The following KSR2 variants were observed in gnomAD, a reference collection of about 807,000 sequenced individuals.
KSR2 encodes the protein kinase suppressor of ras 2.
A neutral mutation model predicts 107.8 loss-of-function variants in KSR2; 25 were observed. The observed-to-expected ratio is 0.23, with a 90% CI of 0.17 to 0.32. The LOEUF is 0.32. Ranked by LOEUF, KSR2 falls within the 10% of genes least tolerant of loss-of-function variation. The pLI is 1.00. For synonymous variants in KSR2, 480 were observed against 507.0 expected (o/e 0.95, Z 0.71); for missense variants, 887 against 1,268.9 (o/e 0.70, Z 4.57).
At chr12:117,651,338 G>A (rs1367165753) in intron 5 of KSR2, among the ~76,000 whole-genome samples, 2 of 152,176 alleles carry the variant, frequency 1.3e-5, no homozygotes, top group Non-Finnish European at 2.9e-5. Flanking sequence ...CCACACTCAA[G>A]TCCCAGAGGG....
chr12:117,665,700 C>CAGA lies in KSR2; in HGVS notation c.1171+1771_1171+1773dup, dbSNP rs533524927. ...CACCTACTGTGTGCCAGGAACTGTG[C>CAGA]AGAAGGCTTGGCATGCATGAGCTCA... On this transcript the variant is annotated intron_variant, in intron 5 of 19. Transcript: ENST00000339824. Among the ~76,000 whole-genome samples, 447 of 152,338 alleles carry CAGA rather than the reference C, an allele frequency of 2.9e-3. 1 individual carries two copies. The highest frequency in any genetic ancestry group is 5.1e-3 in the Non-Finnish European group (348 of 68,028).
intron 4 of KSR2, among the ~76,000 whole-genome samples, chr12:117,730,643 G>C (rs1341904974): frequency 1.3e-5 from 2 of 152,156 alleles, no homozygotes; most frequent in African/African-American, 2.4e-5. Flanking sequence ...CGAGTGCCTG[G>C]GATTGCAGGC....
intron 19 of KSR2, among the ~76,000 whole-genome samples, chr12:117,469,181 GATA>G (rs1161218187): frequency 6.6e-6 from 1 of 152,198 alleles, no homozygotes; most frequent in African/African-American, 2.4e-5. Flanking sequence ...AATCAGCAGA[GATA>G]CTTCTGGTGA....
At chr12:117,960,220 A>G (rs57178744) in intron 1 of KSR2, among the ~76,000 whole-genome samples, 19,681 of 152,066 alleles carry the variant, frequency 0.13, 1,413 homozygotes, top group African/African-American at 0.18. Context: ...ATCATCCCAT[A>G]TCTTTCCCTT....
intron 3 of KSR2, among the ~76,000 whole-genome samples, chr12:117,794,189 C>A (rs1377535860): frequency 3.1e-5 from 4 of 127,036 alleles, no homozygotes; most frequent in Non-Finnish European, 6.5e-5. Flanking sequence ...CCAACATGCA[C>A]ACACACCATG....
chr12:117,672,033 A>G (rs1884928946), intron 4 of KSR2, among the ~76,000 whole-genome samples: 1 of 152,054 alleles, frequency 6.6e-6, no homozygotes, highest in South Asian at 2.1e-4. Context: ...TGGAACGCCA[A>G]CTCTGCTTAT....
intron 3 of KSR2, among the ~76,000 whole-genome samples, chr12:117,826,261 C>T (rs1021918004): frequency 2.0e-5 from 3 of 152,090 alleles, no homozygotes; most frequent in African/African-American, 4.8e-5. Context: ...TCAAAGCCTA[C>T]AAAGGCTTGC....
At chr12:117,942,095 C>T (rs907278355) in intron 1 of KSR2, among the ~76,000 whole-genome samples, 2 of 152,084 alleles carry the variant, frequency 1.3e-5, no homozygotes, top group African/African-American at 4.8e-5. Context: ...TGTATGTATA[C>T]ATAATAGTTG....
intron 5 of KSR2, among the ~76,000 whole-genome samples, chr12:117,642,990 T>C (rs1426338265): frequency 1.3e-5 from 2 of 152,212 alleles, no homozygotes; most frequent in Non-Finnish European, 2.9e-5. Context: ...TTAGACAGGA[T>C]TCTTTTAGAA....
At chr12:117,951,561 C>T (rs1319590559) in intron 1 of KSR2, among the ~76,000 whole-genome samples, 1 of 151,994 alleles carries the variant, frequency 6.6e-6, no homozygotes, top group Non-Finnish European at 1.5e-5. Flanking sequence ...GGGAGGTGGA[C>T]AGACAAAGGG....
intron 7 of KSR2, among the ~76,000 whole-genome samples, chr12:117,577,969 C>T (rs955380997): frequency 6.6e-6 from 1 of 152,182 alleles, no homozygotes; most frequent in Non-Finnish European, 1.5e-5. Flanking sequence ...GATTTAAAAC[C>T]AGCTTAGTCT....
At chr12:117,870,195 G>A (rs915123689) in intron 1 of KSR2, among the ~76,000 whole-genome samples, 3 of 152,184 alleles carry the variant, frequency 2.0e-5, no homozygotes, top group Non-Finnish European at 2.9e-5. Flanking sequence ...GTGAATTCCC[G>A]AATTCTAGCT....
intron 5 of KSR2, among the ~76,000 whole-genome samples, chr12:117,641,402 C>T (rs1393257987): frequency 1.3e-5 from 2 of 152,158 alleles, no homozygotes; most frequent in African/African-American, 4.8e-5. Flanking sequence ...CAGGGCCACA[C>T]CCCCTCTAAG....
intron 3 of KSR2, among the ~76,000 whole-genome samples, chr12:117,839,976 CAG>C (rs1238394572): frequency 6.6e-6 from 1 of 152,100 alleles, no homozygotes; most frequent in Non-Finnish European, 1.5e-5. Context: ...CCCAGAAAGA[CAG>C]AAAATGCAGA....
chr12:117,672,630 CTT>C (rs376998902), intron 4 of KSR2, among the ~76,000 whole-genome samples: 1 of 147,332 alleles, frequency 6.8e-6, no homozygotes. Flanking sequence ...ATCCAACAAA[CTT>C]TTTTTTTTTT....
At chr12:117,910,512 T>C (rs1894979736) in intron 1 of KSR2, among the ~76,000 whole-genome samples, 1 of 152,044 alleles carries the variant, frequency 6.6e-6, no homozygotes, top group Non-Finnish European at 1.5e-5. Context: ...GAAATCAGAG[T>C]TGAATGAAAG....
chr12:117,526,487 A>T (rs1196645974), intron 13 of KSR2, among the ~76,000 whole-genome samples: 1 of 152,232 alleles, frequency 6.6e-6, no homozygotes, highest in East Asian at 1.9e-4. Flanking sequence ...GAAACAATAC[A>T]GGGGACATTG....
Position 117,956,067 on chromosome 12 carries a change from G to A in KSR2, c.180+12009C>T, listed in dbSNP as rs1330258218. Among the ~76,000 whole-genome samples, 8 of 150,884 alleles carry A rather than the reference G, an allele frequency of 5.3e-5. No homozygotes were observed. The South Asian group carries it at 6.3e-4, about 12-fold the overall frequency. On this transcript the variant is annotated intron_variant, in intron 1 of 19. Transcript: ENST00000339824. ...AAATCGAGACCATCCTGGCTAACAC[G>A]GTGAAACCCCATCTCTACTAAAAAT...
At chr12:117,830,306 T>G (rs189404315) in intron 3 of KSR2, among the ~76,000 whole-genome samples, 104 of 148,124 alleles carry the variant, frequency 7.0e-4, no homozygotes, top group Non-Finnish European at 1.1e-3. Context: ...AAACATTGGG[T>G]ATACATGGTC....
Sources: allele counts gnomAD v4.1 joint callset (sites outside exome capture counted in the v4.1 genomes callset), GRCh38; gene constraint gnomAD v4.1.1; transcripts MANE v1.5; gene names NCBI Gene and HGNC (gene_info 2026-07-23, HGNC 2026-07-21).